CTNNA2: variants seen among roughly 807,000 people sequenced by gnomAD.
The protein encoded by CTNNA2 is catenin alpha-2.
In CTNNA2, 42 loss-of-function variants were observed where a neutral mutation model predicts 101.0. That is an observed-to-expected ratio of 0.42 (90% CI 0.32 to 0.54). The LOEUF is 0.54. CTNNA2 is among the 20% of genes least tolerant of loss of function. CTNNA2 has a pLI of 0.14. For missense variants in CTNNA2, 871 were observed against 1,223.1 expected (o/e 0.71, Z 4.29); for synonymous variants, 450 against 456.4 (o/e 0.99, Z 0.18).
At chr2:80,188,270 A>G (rs1286903110) in intron 7 of CTNNA2, among the ~76,000 whole-genome samples, 1 of 152,196 alleles carries the variant, frequency 6.6e-6, no homozygotes, top group African/African-American at 2.4e-5. Context: ...GAATGTGAAG[A>G]TCCTTGCAAG....
chr2:79,849,828 T>C (rs894367895), intron 3 of CTNNA2, among the ~76,000 whole-genome samples: 2 of 152,218 alleles, frequency 1.3e-5, no homozygotes, highest in African/African-American at 4.8e-5. Flanking sequence ...ATCTGGGATT[T>C]CATTTGTCTT....
chr2:79,188,142 T>C (rs1295915690), intron 1 of CTNNA2, among the ~76,000 whole-genome samples: 5 of 152,208 alleles, frequency 3.3e-5, no homozygotes, highest in Admixed American at 3.3e-4. Flanking sequence ...TATTAAGATT[T>C]TTAATATGTT....
chr2:79,212,977 T>C (rs1052193824), intron 2 of CTNNA2, among the ~76,000 whole-genome samples: 3 of 152,180 alleles, frequency 2.0e-5, no homozygotes, highest in African/African-American at 7.2e-5. Flanking sequence ...AGAGATGGGC[T>C]AGTGGCTTGT....
intron 7 of CTNNA2, among the ~76,000 whole-genome samples, chr2:79,921,021 C>A (rs567436762): frequency 6.6e-6 from 1 of 152,198 alleles, no homozygotes. Flanking sequence ...CTTAACTCAT[C>A]ACTTCCTAAA....
At chr2:79,710,125 C>T (rs1340286784) in intron 2 of CTNNA2, among the ~76,000 whole-genome samples, 1 of 151,908 alleles carries the variant, frequency 6.6e-6, no homozygotes, top group Non-Finnish European at 1.5e-5. Context: ...GGTGGGAAGA[C>T]GTTAGGCACT....
At chr2:79,297,023 A>G (rs1189179921) in intron 2 of CTNNA2, among the ~76,000 whole-genome samples, 1 of 151,982 alleles carries the variant, frequency 6.6e-6, no homozygotes, top group Admixed American at 6.6e-5. Context: ...ATATCATTCA[A>G]CCATTTCTGA....
At chr2:79,426,479 T>C (rs1405510678) in intron 4 of CTNNA2, among the ~76,000 whole-genome samples, 1 of 152,158 alleles carries the variant, frequency 6.6e-6, no homozygotes, top group Non-Finnish European at 1.5e-5. Flanking sequence ...TCTCTTAATA[T>C]GCTCCAGTTA....
At chr2:80,068,590 G>A (rs560073321) in intron 7 of CTNNA2, among the ~76,000 whole-genome samples, 4 of 152,294 alleles carry the variant, frequency 2.6e-5, no homozygotes, top group African/African-American at 9.6e-5. Flanking sequence ...GCCCAAGTAT[G>A]TGATTGGAGA....
intron 2 of CTNNA2, among the ~76,000 whole-genome samples, chr2:79,719,876 T>G (rs1343600676): frequency 6.6e-6 from 1 of 152,222 alleles, no homozygotes; most frequent in East Asian, 1.9e-4. Flanking sequence ...TCTTTTGCTG[T>G]GCAGAAGCTC....
chr2:79,832,010 G>T (rs1199522338), intron 3 of CTNNA2, among the ~76,000 whole-genome samples: 1 of 151,960 alleles, frequency 6.6e-6, no homozygotes, highest in Non-Finnish European at 1.5e-5. Flanking sequence ...TGTCTTTAAA[G>T]CATTTTTCTC....
chr2:79,811,166 T>C (rs1158399737), intron 3 of CTNNA2, among the ~76,000 whole-genome samples: 1 of 152,030 alleles, frequency 6.6e-6, no homozygotes, highest in Non-Finnish European at 1.5e-5. Context: ...TGTTCCTATT[T>C]CTGCACAACC....
chr2:79,742,564 T>A (rs905847948), intron 2 of CTNNA2, among the ~76,000 whole-genome samples: 1 of 152,150 alleles, frequency 6.6e-6, no homozygotes, highest in African/African-American at 2.4e-5. Context: ...GAGTAACATG[T>A]TCATGTGTTA....
At chr2:80,293,834 A>C (rs891992826) in intron 7 of CTNNA2, among the ~76,000 whole-genome samples, 1 of 152,126 alleles carries the variant, frequency 6.6e-6, no homozygotes, top group Non-Finnish European at 1.5e-5. Flanking sequence ...GAAAGAATTG[A>C]TGCCTATTTG....
At chr2:79,999,422 G>C (rs747978400) in intron 7 of CTNNA2, among the ~76,000 whole-genome samples, 13 of 152,150 alleles carry the variant, frequency 8.5e-5, no homozygotes, top group Non-Finnish European at 1.5e-4. Flanking sequence ...CACAGTGGCA[G>C]GTGCAAATTC....
At chr2:79,555,712 G>A (rs1674401359) in intron 1 of CTNNA2, among the ~76,000 whole-genome samples, 1 of 151,898 alleles carries the variant, frequency 6.6e-6, no homozygotes, top group African/African-American at 2.4e-5. Flanking sequence ...GATTTACCAA[G>A]GTCAATGATA....
chr2:80,141,333 A>T (rs1284429009), intron 7 of CTNNA2, among the ~76,000 whole-genome samples: 1 of 151,960 alleles, frequency 6.6e-6, no homozygotes, highest in South Asian at 2.1e-4. Flanking sequence ...GAGCCCTCTT[A>T]TATTAGCTAT....
intron 7 of CTNNA2, among the ~76,000 whole-genome samples, chr2:80,380,438 C>A: frequency 6.6e-6 from 1 of 152,258 alleles, no homozygotes; most frequent in East Asian, 1.9e-4. Context: ...TCTGAGGAGG[C>A]CTTGGAGGTC....
At chr2:79,491,676 C>A (rs1671208251) in intron 4 of CTNNA2, among the ~76,000 whole-genome samples, 1 of 152,082 alleles carries the variant, frequency 6.6e-6, no homozygotes, top group African/African-American at 2.4e-5. Flanking sequence ...ATTACTAGAA[C>A]TGCTGAGTTC....
At chr2:79,569,101 T>A (rs558788509) in intron 1 of CTNNA2, among the ~76,000 whole-genome samples, 2 of 152,310 alleles carry the variant, frequency 1.3e-5, no homozygotes, top group Admixed American at 6.5e-5. Context: ...TAATCATTCA[T>A]TGATTTATTT....
Sources: gnomAD v4.1 joint callset for allele counts (sites outside exome capture counted in the v4.1 genomes callset) on GRCh38, gnomAD v4.1.1 for gene constraint, MANE v1.5 for transcripts, NCBI Gene and HGNC (gene_info 2026-07-23, HGNC 2026-07-21) for gene names.